The following MROH9 variants were observed in gnomAD, a reference collection of about 807,000 sequenced individuals.
MROH9 encodes the protein maestro heat like repeat family member 9, also known as maestro heat-like repeat-containing protein family member 9.
A neutral mutation model predicts 98.2 loss-of-function variants in MROH9; 92 were observed. The ratio of observed to expected loss-of-function variants is 0.94; its 90% CI spans 0.79 to 1.11. The LOEUF (loss-of-function observed/expected upper bound fraction) is 1.11. Ranked by LOEUF, MROH9 falls within the 50% of genes most tolerant of loss-of-function variation. The probability of loss-of-function intolerance (pLI) is 0.00; values close to 1 mark genes in which losing one functional copy is unlikely to be tolerated. For missense variants in MROH9, 1,057 were observed against 1,014.8 expected, an observed-to-expected ratio of 1.04 and a Z score of -0.57; for synonymous variants, 397 against 368.9, an observed-to-expected ratio of 1.08 and a Z score of -0.87.
At chr1:171,030,640 G>C (rs1202617256) in intron 20 of MROH9, among the ~76,000 whole-genome samples, 1 of 152,180 alleles carries the variant, frequency 6.6e-6, no homozygotes, top group Non-Finnish European at 1.5e-5. Context: ...ATTGCACTGT[G>C]TTCTGAAAGA....
chr1:170,958,694 G>A (rs1342690096), intron 4 of MROH9, among the ~76,000 whole-genome samples, 154 bp downstream of exon 4: 1 of 152,106 alleles, frequency 6.6e-6, no homozygotes, highest in African/African-American at 2.4e-5. Context: ...CTCTTTCCCA[G>A]TCTTTTTGTA....
intron 20 of MROH9, among the ~76,000 whole-genome samples, chr1:171,058,335 AAG>A (rs1040973696): frequency 6.6e-6 from 1 of 151,046 alleles, no homozygotes; most frequent in Non-Finnish European, 1.5e-5. Flanking sequence ...TCAAGGAAAT[AAG>A]AGAGGATGCA....
At chr1:170,947,773 T>C (rs73036060) in intron 3 of MROH9, among the ~76,000 whole-genome samples, 200 bp downstream of exon 3, 2,646 of 152,106 alleles carry the variant, frequency 0.017, 77 homozygotes, top group African/African-American at 0.06. Flanking sequence ...CATTCTCTCA[T>C]GCTCCTGAAA....
chr1:170,952,485 C>A (rs897038599), intron 3 of MROH9, among the ~76,000 whole-genome samples: 157 of 151,582 alleles, frequency 1.0e-3, no homozygotes, highest in African/African-American at 3.6e-3. Flanking sequence ...TCATTCTCAG[C>A]AAACTATCGC....
intron 20 of MROH9, among the ~76,000 whole-genome samples, chr1:171,044,972 CTTTTTTTTTTTTTTTTTTTTTTTT>C (rs754332732): frequency 3.0e-3 from 136 of 45,662 alleles, no homozygotes; most frequent in African/African-American, 3.4e-3. Context: ...CTGCTCTGAT[CTTTTTTTTTTTTTTTTTTTTTTTT>C]TTTTTTTTTT....
intron 1 of MROH9, among the ~76,000 whole-genome samples, chr1:170,941,934 T>C (rs1227387556): frequency 6.6e-6 from 1 of 152,200 alleles, no homozygotes; most frequent in Non-Finnish European, 1.5e-5. Flanking sequence ...AACTTTCTCC[T>C]CATTGGCCAC....
chr1:171,054,280 T>G (rs1653759154), intron 20 of MROH9, among the ~76,000 whole-genome samples: 1 of 152,130 alleles, frequency 6.6e-6, no homozygotes, highest in East Asian at 1.9e-4. Flanking sequence ...AAAGTGGGGA[T>G]ATGACACCCT....
intron 20 of MROH9, among the ~76,000 whole-genome samples, chr1:171,035,040 C>T (rs948445928): frequency 5.3e-5 from 8 of 152,102 alleles, no homozygotes; most frequent in South Asian, 2.1e-4. Flanking sequence ...CTAGAAGAAT[C>T]AAACAATGTA....
At position 171,064,724 on chromosome 1, in the gene MROH9, A is replaced by G. The variant is rs1198387249; in HGVS notation, c.*384A>G. 1 of 164,052 alleles carries G rather than the reference A, an allele frequency of 6.1e-6. No homozygotes were observed. Among genetic ancestry groups the G allele is most frequent in the African/African-American group, 2.4e-5 (1 of 41,628 alleles). 10.2% of individuals were successfully genotyped at this position (164,052 alleles called of 1,614,324 possible). A position where few individuals can be genotyped will look rare whatever the true frequency, so the allele number is the denominator to read the frequency against. The stretch of plus-strand genomic sequence containing the variant: ...GGCAGTGGGGACATTTGGATGATAT[A>G]GACAAGGTTCCTGATCTCAGGATGG... On this transcript the variant is annotated 3_prime_UTR_variant, in exon 22 of 22. Transcript: ENST00000367759.
chr1:171,024,331 T>TGTGTGTGC (rs1652628926), intron 17 of MROH9, 64 bp from the exon 18 acceptor site: 1 of 1,172,556 alleles, frequency 8.5e-7, no homozygotes, highest in African/African-American at 1.5e-5. Flanking sequence ...TGTGTGTGTG[T>TGTGTGTGC]AGATTACTGA....
At chr1:171,054,643 G>A (rs1653771759) in intron 20 of MROH9, among the ~76,000 whole-genome samples, 1 of 152,004 alleles carries the variant, frequency 6.6e-6, no homozygotes, top group Non-Finnish European at 1.5e-5. Flanking sequence ...TAATCTACAA[G>A]GAACTCAAAT....
At chr1:170,993,473 AT>A (rs762203238) in intron 12 of MROH9, among the ~76,000 whole-genome samples, 2 of 152,186 alleles carry the variant, frequency 1.3e-5, no homozygotes, top group Non-Finnish European at 2.9e-5. Flanking sequence ...GAAGACACTT[AT>A]GCAATGGTGT....
chr1:170,996,934 G>T (rs1043931436), intron 14 of MROH9, among the ~76,000 whole-genome samples: 6 of 151,902 alleles, frequency 3.9e-5, no homozygotes, highest in African/African-American at 1.2e-4. Flanking sequence ...AAGTGAGTTT[G>T]GTTTTTTCCC....
chr1:170,961,752 A>T (rs1650021684), intron 5 of MROH9, 138 bp from the exon 6 acceptor site: 1 of 418,952 alleles, frequency 2.4e-6, no homozygotes. Flanking sequence ...TTTGATGTTA[A>T]GTATTTTCTG....
Position 170,989,951 on chromosome 1 carries a change from T to A in MROH9, c.976T>A (p.Ser326Thr). The change falls in exon 11 of 22, where the codon TCA (serine) becomes ACA (threonine). Residue 326 changes from serine (S) to threonine (T), a missense_variant. Ser to Thr is a moderately conservative substitution (Grantham distance 58). Coordinates refer to ENST00000367759, the MANE Select transcript of MROH9 (RefSeq NM_001163629.2). Reference protein sequence around the residue: ...LQVITLLTCTSPKKVIFQLMD... With the variant: ...LQVITLLTCTTPKKVIFQLMD... ...GGTTATCACTTTGTTGACATGCACT[T>A]CACCCAAGAAGGTCATCTTTCAACT... The A allele has an allele frequency of 6.2e-7, 1 of 1,613,312 alleles. No individual in the cohort carries two copies. Among genetic ancestry groups the A allele is most frequent in the Non-Finnish European group, 8.5e-7 (1 of 1,179,492 alleles).
intron 20 of MROH9, among the ~76,000 whole-genome samples, chr1:171,048,241 G>T (rs1014572068): frequency 1.3e-5 from 2 of 152,180 alleles, no homozygotes; most frequent in African/African-American, 4.8e-5. Flanking sequence ...CTTCAGAACA[G>T]TGAGGTCCCC....
chr1:171,016,012 A>G (rs941744634), intron 16 of MROH9, 151 bp from the exon 17 acceptor site: 4 of 416,616 alleles, frequency 9.6e-6, no homozygotes, highest in Non-Finnish European at 1.7e-5. Flanking sequence ...CTTAGCAAAA[A>G]GTCAACATTT....
At position 171,021,673 on chromosome 1, in the gene MROH9, C is replaced by T. The variant is rs545311792; in HGVS notation, c.1909-2722C>T. ...CCCTCGAAGAAAACCTAGGCAATAG[C>T]GTTCAGGACATAGGCGTGGGCAAAG... On this transcript the variant is annotated intron_variant, in intron 17 of 21. Transcript: ENST00000367759. 4.6e-5 allele frequency among the ~76,000 whole-genome samples: 7 copies of T among 152,140 alleles called. No homozygotes were observed. The East Asian group carries it at 9.7e-4, about 21-fold the overall frequency.
rs1654031288 is a variant in MROH9, at chr1:171,062,037, GCTT to G, written c.2282-94_2282-92del. On this transcript the variant is annotated intron_variant, in intron 20 of 21. Coordinates refer to ENST00000367759, the MANE Select transcript of MROH9 (RefSeq NM_001163629.2). ...CTCAAGGATAATATAGAGATGCTTTGCTTTGAAAAAAGCAAAGAAGGTAGCCAG... is the reference window on the plus strand; with the variant it reads ...CTCAAGGATAATATAGAGATGCTTTGTGAAAAAAGCAAAGAAGGTAGCCAG... 1.1e-5 allele frequency: 8 copies of G among 738,562 alleles called. No individual in the cohort carries two copies. In the South Asian group the frequency reaches 1.4e-4, roughly 13 times the overall value. The allele number at this position is 738,562 out of a possible 1,614,324, so 45.8% of individuals were successfully genotyped here. A position where few individuals can be genotyped will look rare whatever the true frequency, so the allele number is the denominator to read the frequency against.
Sources: allele counts gnomAD v4.1 joint callset (sites outside exome capture counted in the v4.1 genomes callset), GRCh38; gene constraint gnomAD v4.1.1; transcripts MANE v1.5; gene names NCBI Gene and HGNC (gene_info 2026-07-23, HGNC 2026-07-21).